The following RCBTB1 variants were observed in gnomAD, a reference collection of about 807,000 sequenced individuals.
RCBTB1 encodes RCC1 and BTB domain-containing protein 1.
In RCBTB1, 46 loss-of-function variants were observed where a neutral mutation model predicts 62.4. The observed-to-expected ratio is 0.74, with a 90% CI of 0.58 to 0.94. The LOEUF (loss-of-function observed/expected upper bound fraction) is 0.94, where lower values mean the gene tolerates loss of function less well. Ranked by LOEUF, RCBTB1 falls within the 40% of genes least tolerant of loss-of-function variation. The pLI, the probability that RCBTB1 is intolerant of heterozygous loss-of-function variation, is 0.00. For missense variants in RCBTB1, 565 were observed against 654.9 expected (o/e 0.86, Z 1.50); for synonymous variants, 222 against 245.8 (o/e 0.90, Z 0.91).
chr13:49,541,699 T>C lies in RCBTB1; in HGVS notation c.1301A>G (p.Asp434Gly), dbSNP rs1594253565. The change falls in exon 11 of 13, where the codon GAC becomes GGC. Residue 434 changes from aspartate to glycine, a missense_variant. Transcript: ENST00000378302. ...ACCTATAGCATCTTCTGGCGGCAGGTCGACTGTGTCTGTGTAGAGGTACTG... is the reference window on the plus strand; with the variant it reads ...ACCTATAGCATCTTCTGGCGGCAGGCCGACTGTGTCTGTGTAGAGGTACTG... ...FLQYLYTDTVDLPPEDAIGLL... is the reference protein window; with the variant it reads ...FLQYLYTDTVGLPPEDAIGLL... 1 of 1,612,770 alleles carries C rather than the reference T, an allele frequency of 6.2e-7. No homozygotes were observed.
intron 12 of RCBTB1, among the ~76,000 whole-genome samples, chr13:49,536,477 C>T (rs1161548637): frequency 6.6e-6 from 1 of 152,178 alleles, no homozygotes; most frequent in Non-Finnish European, 1.5e-5. Flanking sequence ...TAATCTGTTC[C>T]TTTCATTCTG....
intron 2 of RCBTB1, among the ~76,000 whole-genome samples, chr13:49,570,779 T>C (rs1223281719): frequency 6.6e-6 from 1 of 152,204 alleles, no homozygotes; most frequent in Non-Finnish European, 1.5e-5. Flanking sequence ...ATTAGGTAGC[T>C]TCCATACATT....
At chr13:49,540,409 T>TA (rs1367685307) in intron 12 of RCBTB1, among the ~76,000 whole-genome samples, 1 of 152,184 alleles carries the variant, frequency 6.6e-6, no homozygotes, top group African/African-American at 2.4e-5. Context: ...AGCAAGTTCT[T>TA]AACAGGTAAA....
chr13:49,560,474 C>CGGGGAACCCACAGGGGGCGT (rs1241839709), intron 4 of RCBTB1, among the ~76,000 whole-genome samples: 1 of 152,134 alleles, frequency 6.6e-6, no homozygotes, highest in Non-Finnish European at 1.5e-5. Flanking sequence ...TACCAAGTCA[C>CGGGGAACCCACAGGGGGCGT]GGGGAACCCA....
In RCBTB1 at chr13:49,555,617, A is replaced by C. The variant is rs1423195608; in HGVS notation, c.501T>G (p.Asn167Lys). ...CGQVGSGSTANQPTPRKVTNC... is the reference protein window; with the variant it reads ...CGQVGSGSTAKQPTPRKVTNC... Reference sequence around the variant, plus strand: ...TTGTAACTTTTCGAGGAGTTGGTTGATTTGCTGTAGAACCTGATCCCACTT... The same window carrying C: ...TTGTAACTTTTCGAGGAGTTGGTTGCTTTGCTGTAGAACCTGATCCCACTT... The change falls in exon 6 of 13, where the codon AAT becomes AAG. Residue 167 changes from asparagine (N) to lysine (K), a missense_variant. Physicochemically the swap from Asn to Lys is moderately conservative, Grantham distance 94. Coordinates refer to ENST00000378302, the MANE Select transcript of RCBTB1 (RefSeq NM_018191.4). 1 of 1,613,266 alleles carries C rather than the reference A, an allele frequency of 6.2e-7. No homozygotes were observed. Among genetic ancestry groups the C allele is most frequent in the Non-Finnish European group, 8.5e-7 (1 of 1,179,620 alleles).
intron 4 of RCBTB1, among the ~76,000 whole-genome samples, chr13:49,561,377 C>G (rs1962420089): frequency 6.6e-6 from 1 of 152,184 alleles, no homozygotes; most frequent in Non-Finnish European, 1.5e-5. Flanking sequence ...GAGCCATTCC[C>G]TCCTACAGAA....
chr13:49,582,639 CTCTCAT>C (rs1435376930), intron 1 of RCBTB1, among the ~76,000 whole-genome samples: 1 of 152,222 alleles, frequency 6.6e-6, no homozygotes, highest in Admixed American at 6.5e-5. Flanking sequence ...CATACTCATT[CTCTCAT>C]TCTCATTCTC....
chr13:49,582,260 G>A, intron 1 of RCBTB1, among the ~76,000 whole-genome samples: 1 of 152,156 alleles, frequency 6.6e-6, no homozygotes, highest in East Asian at 1.9e-4. Context: ...GCCGAGGCAG[G>A]TGGATCATCT....
chr13:49,540,843 G>A (rs1352950536), intron 12 of RCBTB1, 33 bp downstream of exon 12: 2 of 1,606,890 alleles, frequency 1.2e-6, no homozygotes, highest in Non-Finnish European at 1.7e-6. Flanking sequence ...GGGAGTTAAA[G>A]GTGGTCTGGT....
At chr13:49,566,271 AAAATAAATAAATAAAT>A (rs373186397) in intron 4 of RCBTB1, among the ~76,000 whole-genome samples, 2 of 94,836 alleles carry the variant, frequency 2.1e-5, no homozygotes, top group Admixed American at 9.0e-5. Flanking sequence ...AAAATAAAAT[AAAATAAATAAATAAAT>A]AAATAAATAA....
chr13:49,543,883 C>T (rs1032982144), intron 10 of RCBTB1, among the ~76,000 whole-genome samples: 1 of 152,024 alleles, frequency 6.6e-6, no homozygotes, highest in Non-Finnish European at 1.5e-5. Context: ...GACAGTGTCT[C>T]GCTATATTGC....
intron 10 of RCBTB1, among the ~76,000 whole-genome samples, chr13:49,542,979 A>C (rs571285661): frequency 6.6e-6 from 1 of 152,196 alleles, no homozygotes; most frequent in Non-Finnish European, 1.5e-5. Flanking sequence ...AAGTATTCTG[A>C]GGTGCAGTGG....
In RCBTB1 at chr13:49,532,600, C is replaced by A. The variant is rs1413886845; in HGVS notation, c.*1522G>T. ...TTGTGATATGGTCAAGAAAAGGGGG[C>A]TGGGGCTCCTAGGCTTGTATCTATT... On this transcript the variant is annotated 3_prime_UTR_variant, in exon 13 of 13. Transcript: ENST00000378302. 6.6e-6 allele frequency: 1 copy of A among 152,350 alleles called. No homozygotes were observed. The highest frequency in any genetic ancestry group is 2.4e-5 in the African/African-American group (1 of 41,400). The allele number at this position is 152,350 out of a possible 1,614,324, so 9.4% of individuals were successfully genotyped here.
At position 49,581,626 on chromosome 13, in the gene RCBTB1, C is replaced by T. The variant is rs190852459; in HGVS notation, c.-121-1042G>A. ...AAGTGAAATAAGGAGAGCAGAGTACCTTAAGAAGAACTCTAAGAAACTCCA... is the reference window on the plus strand; with the variant it reads ...AAGTGAAATAAGGAGAGCAGAGTACTTTAAGAAGAACTCTAAGAAACTCCA... On this transcript the variant is annotated intron_variant, in intron 1 of 12. Transcript: ENST00000378302. 3.5e-4 allele frequency among the ~76,000 whole-genome samples: 54 copies of T among 152,272 alleles called. 1 individual carries two copies. Among genetic ancestry groups the T allele is most frequent in the Non-Finnish European group, 6.9e-4 (47 of 68,016 alleles).
intron 9 of RCBTB1, among the ~76,000 whole-genome samples, chr13:49,546,620 TG>T (rs760484853): frequency 6.6e-6 from 1 of 152,232 alleles, no homozygotes; most frequent in African/African-American, 2.4e-5. Flanking sequence ...CGGCCCCATC[TG>T]GGGGTGATGG....
chr13:49,576,325 T>G (rs895636028), intron 2 of RCBTB1, among the ~76,000 whole-genome samples: 1 of 152,098 alleles, frequency 6.6e-6, no homozygotes. Flanking sequence ...TGGTAAATTT[T>G]ACACTATATA....
chr13:49,534,587 C>T (rs966506620), intron 12 of RCBTB1, among the ~76,000 whole-genome samples: 2 of 152,136 alleles, frequency 1.3e-5, no homozygotes, highest in Admixed American at 1.3e-4. Context: ...TAGTTATGCT[C>T]AAAGACATTG....
chr13:49,543,278 AAG>A (rs1417334881), intron 10 of RCBTB1, among the ~76,000 whole-genome samples: 2 of 152,194 alleles, frequency 1.3e-5, no homozygotes, highest in African/African-American at 4.8e-5. Context: ...AAAAAAGAAA[AAG>A]AATCCATTCA....
chr13:49,579,907 C>T (rs1446442530), intron 2 of RCBTB1, among the ~76,000 whole-genome samples: 1 of 152,230 alleles, frequency 6.6e-6, no homozygotes, highest in Non-Finnish European at 1.5e-5. Context: ...TTCCCAACCA[C>T]TAATAAGTTA....
Sources: gnomAD v4.1 joint callset for allele counts (sites outside exome capture counted in the v4.1 genomes callset) on GRCh38, gnomAD v4.1.1 for gene constraint, MANE v1.5 for transcripts, NCBI Gene and HGNC (gene_info 2026-07-23, HGNC 2026-07-21) for gene names.